The following CD36 variants were observed in gnomAD, a reference collection of about 807,000 sequenced individuals.
CD36 encodes the protein platelet glycoprotein 4.
Under a neutral mutation model 55.2 loss-of-function variants are expected in CD36, and 119 were observed. That is an observed-to-expected ratio of 2.15 (90% CI 1.86 to 2.51). CD36 has a LOEUF of 2.51. CD36 is among the 30% of genes most tolerant of loss of function. The pLI is 0.00. For synonymous variants in CD36, 186 were observed against 193.6 expected, an observed-to-expected ratio of 0.96 and a Z score of 0.33; for missense variants, 819 against 555.5, an observed-to-expected ratio of 1.47 and a Z score of -4.77.
chr7:80,666,443 G>A lies in CD36; in HGVS notation c.702G>A (p.Arg234=). ...VAIIDTYKGK[R]NLSYWESHCD... is the part of the protein sequence containing the mutation. Reference sequence around the variant, plus strand: ...ATTCATTGTCTTTTTCTATTCCTAGGAATCTGTCCTATTGGGAAAGTCACT... The same window carrying A: ...ATTCATTGTCTTTTTCTATTCCTAGAAATCTGTCCTATTGGGAAAGTCACT... Residue 234 remains arginine, a splice_region_variant and synonymous_variant, in exon 8 of 15, where the codon AGG becomes AGA. Transcript: ENST00000447544. 1 of 1,591,466 alleles carries A rather than the reference G, an allele frequency of 6.3e-7. No homozygotes were observed. The highest frequency in any genetic ancestry group is 1.3e-5 in the African/African-American group (1 of 74,562).
intron 14 of CD36, 172 bp downstream of exon 14, chr7:80,674,319 C>T (rs1452127023): frequency 3.5e-6 from 2 of 577,786 alleles, no homozygotes; most frequent in Non-Finnish European, 6.1e-6. Context: ...ACGCAGATCA[C>T]TAAAGTATAT....
intron 1 of CD36, among the ~76,000 whole-genome samples, chr7:80,643,827 T>C (rs3212159): frequency 0.034 from 5,148 of 152,250 alleles, 229 homozygotes; most frequent in East Asian, 0.1. Flanking sequence ...GACAAATCAG[T>C]CTTTGGTTTA....
intron 7 of CD36, 90 bp from the exon 8 acceptor site, chr7:80,666,353 A>T: frequency 1.2e-6 from 1 of 831,530 alleles, no homozygotes; most frequent in South Asian, 1.4e-5. Context: ...CATCATATTA[A>T]CAGAAGTATT....
upstream of CD36, among the ~76,000 whole-genome samples, chr7:80,635,652 A>G (rs1017600340): frequency 1.3e-5 from 2 of 152,080 alleles, no homozygotes; most frequent in African/African-American, 2.4e-5. Context: ...CTTGACAGCA[A>G]TTCTGTGAGG....
intron 1 of CD36, among the ~76,000 whole-genome samples, chr7:80,625,782 G>A (rs529890987): frequency 1.3e-5 from 2 of 152,108 alleles, no homozygotes; most frequent in Non-Finnish European, 2.9e-5. Flanking sequence ...ATGAAGGCTA[G>A]TATTATGTAA....
intron 1 of CD36, among the ~76,000 whole-genome samples, chr7:80,639,422 T>C (rs1299009043): frequency 2.0e-5 from 3 of 151,926 alleles, no homozygotes; most frequent in Non-Finnish European, 4.4e-5. Flanking sequence ...TAAAGTTAAT[T>C]TTTTTTCGAT....
In CD36 at chr7:80,626,698, T is replaced by C. The variant is rs192823669; in HGVS notation, c.-183-19390T>C. On this transcript the variant is annotated intron_variant, in intron 1 of 13. Transcript: ENST00000309881. ...TGTCTTAATATACCATGTAATCTGA[T>C]ACACAAATGTATTAGAAAACCACTT... 3.3e-5 allele frequency among the ~76,000 whole-genome samples: 5 copies of C among 152,234 alleles called. No individual in the cohort carries two copies. The East Asian group carries it at 9.6e-4, about 29-fold the overall frequency.
chr7:80,647,468 T>A (rs1310576018), intron 3 of CD36, among the ~76,000 whole-genome samples: 2 of 152,188 alleles, frequency 1.3e-5, no homozygotes, highest in East Asian at 3.8e-4. Context: ...GAACATGTCT[T>A]AGTATAAAAC....
chr7:80,619,188 T>G (rs781414636), intron 1 of CD36, among the ~76,000 whole-genome samples: 1 of 152,212 alleles, frequency 6.6e-6, no homozygotes, highest in Admixed American at 6.5e-5. Context: ...ATTTACAGCA[T>G]AGTTTACTGA....
chr7:80,658,955 G>T (rs1362395213), intron 4 of CD36, among the ~76,000 whole-genome samples: 1 of 152,212 alleles, frequency 6.6e-6, no homozygotes, highest in African/African-American at 2.4e-5. Context: ...TATTTGGTTT[G>T]CTTAGAGAGG....
intron 3 of CD36, among the ~76,000 whole-genome samples, chr7:80,654,144 A>C (rs1795833581): frequency 6.6e-6 from 1 of 152,108 alleles, no homozygotes; most frequent in African/African-American, 2.4e-5. Flanking sequence ...GGCCTTTAGA[A>C]AAAAAGGTCT....
chr7:80,616,345 T>C (rs1381065227), intron 1 of CD36, among the ~76,000 whole-genome samples: 2 of 152,184 alleles, frequency 1.3e-5, no homozygotes, highest in East Asian at 3.9e-4. Flanking sequence ...CTATGGTTTC[T>C]ACTGAATGTA....
chr7:80,613,808 AT>A (rs1423878998), intron 1 of CD36, among the ~76,000 whole-genome samples: 2 of 152,140 alleles, frequency 1.3e-5, no homozygotes, highest in Non-Finnish European at 2.9e-5. Context: ...GTTAACAGTA[AT>A]AAAAGGTAAA....
At chr7:80,638,639 C>A (rs1334513), upstream of CD36, 145,282 of 151,226 alleles carry the variant, frequency 0.96, 69,858 homozygotes, top group East Asian at 1. Context: ...CATTTATGTA[C>A]TGAGGACTGC....
At chr7:80,647,270 G>GTGTGTA (rs1045832120) in intron 3 of CD36, 6 of 239,144 alleles carry the variant, frequency 2.5e-5, no homozygotes, top group Non-Finnish European at 5.0e-5. Context: ...GTGTGTGTGT[G>GTGTGTA]TGTGTGTGTG....
intron 1 of CD36, among the ~76,000 whole-genome samples, chr7:80,640,624 GA>G (rs977999661): frequency 2.0e-5 from 3 of 151,792 alleles, no homozygotes; most frequent in Non-Finnish European, 4.4e-5. Context: ...TTGGGGTGTG[GA>G]AAAAAGACAT....
At chr7:80,673,775 A>T (rs1797966265) in intron 13 of CD36, 7 of 596,284 alleles carry the variant, frequency 1.2e-5, no homozygotes, top group Non-Finnish European at 2.1e-5. Context: ...TGAAGAGCAA[A>T]TGAATCCTAG....
At chr7:80,642,227 A>G (rs1020852351) in intron 1 of CD36, among the ~76,000 whole-genome samples, 1 of 152,158 alleles carries the variant, frequency 6.6e-6, no homozygotes, top group African/African-American at 2.4e-5. Context: ...CCGATACAGT[A>G]TCAATATCTT....
chr7:80,654,259 T>G (rs1795842953), intron 3 of CD36, among the ~76,000 whole-genome samples: 1 of 152,192 alleles, frequency 6.6e-6, no homozygotes, highest in South Asian at 2.1e-4. Flanking sequence ...TCTTCAATTC[T>G]ATAAGAGTTT....
Sources: gnomAD v4.1 joint callset for allele counts (sites outside exome capture counted in the v4.1 genomes callset) on GRCh38, gnomAD v4.1.1 for gene constraint, MANE v1.5 for transcripts, NCBI Gene and HGNC (gene_info 2026-07-23, HGNC 2026-07-21) for gene names.